ALK: variants seen among roughly 807,000 people sequenced by gnomAD.
ALK encodes ALK tyrosine kinase receptor.
Under a neutral mutation model 163.1 loss-of-function variants are expected in ALK, and 74 were observed. The ratio of observed to expected loss-of-function variants is 0.45; its 90% CI spans 0.38 to 0.55. The LOEUF (loss-of-function observed/expected upper bound fraction) is 0.55. ALK is among the 20% of genes least tolerant of loss of function. The pLI, the probability that ALK is intolerant of heterozygous loss-of-function variation, is 0.00. For synonymous variants in ALK, 960 were observed against 843.2 expected (o/e 1.14, Z -2.40); for missense variants, 2,063 against 2,105.3 (o/e 0.98, Z 0.39).
intron 3 of ALK, among the ~76,000 whole-genome samples, chr2:29,572,921 G>A (rs1232277281): frequency 1.3e-5 from 2 of 152,276 alleles, no homozygotes; most frequent in Admixed American, 6.5e-5. Flanking sequence ...TCTGTGGCAA[G>A]CATTCTGTGG....
intron 4 of ALK, among the ~76,000 whole-genome samples, chr2:29,410,489 G>A (rs1669700516): frequency 1.3e-5 from 2 of 152,140 alleles, no homozygotes; most frequent in African/African-American, 4.8e-5. Context: ...TGACCACCTT[G>A]GGCATATGTC....
intron 3 of ALK, among the ~76,000 whole-genome samples, chr2:29,657,372 G>A (rs576864084): frequency 1.3e-5 from 2 of 152,166 alleles, no homozygotes; most frequent in South Asian, 2.1e-4. Flanking sequence ...GAACCTCCAC[G>A]AGCTCATCTG....
In ALK at chr2:29,694,977, C is replaced by A. The variant is rs924625340; in HGVS notation, c.825G>T (p.Glu275Asp). 6.2e-7 allele frequency: 1 copy of A among 1,614,096 alleles called. No individual in the cohort carries two copies. Among genetic ancestry groups the A allele is most frequent in the Non-Finnish European group, 8.5e-7 (1 of 1,179,978 alleles). Residue 275 changes from glutamate (E) to aspartate (D), a missense_variant, in exon 3 of 29, where the codon GAG (glutamate) becomes GAT (aspartate). This residue lies in a region of ALK where 987 missense variants were observed against 939.5 expected (regional missense o/e 1.05). Transcript: ENST00000389048. ...TGAGGTCATGCAGTGGAGGGGAATACTCCAGCTCACAGGGGAAGTCAAAGC... is the reference window on the plus strand; with the variant it reads ...TGAGGTCATGCAGTGGAGGGGAATAATCCAGCTCACAGGGGAAGTCAAAGC... Reference protein sequence around the residue: ...ECSFDFPCELEYSPPLHDLRN... With the variant: ...ECSFDFPCELDYSPPLHDLRN...
At chr2:29,354,893 A>G (rs1668209153) in intron 5 of ALK, among the ~76,000 whole-genome samples, 1 of 151,654 alleles carries the variant, frequency 6.6e-6, no homozygotes, top group Admixed American at 6.6e-5. Flanking sequence ...CAGCCTCCCA[A>G]GTAGCTAGGA....
At chr2:29,230,773 C>T (rs2148182057) in intron 15 of ALK, among the ~76,000 whole-genome samples, 1 of 152,208 alleles carries the variant, frequency 6.6e-6, no homozygotes, top group South Asian at 2.1e-4. Flanking sequence ...AGGGTGTGGG[C>T]CTGTCAAGGC....
At chr2:29,288,313 G>A (rs901980278) in intron 9 of ALK, among the ~76,000 whole-genome samples, 1 of 152,162 alleles carries the variant, frequency 6.6e-6, no homozygotes, top group Admixed American at 6.5e-5. Context: ...TGGAGGCCTG[G>A]GGCCTCGTCT....
intron 8 of ALK, among the ~76,000 whole-genome samples, chr2:29,304,797 AC>A: frequency 6.6e-6 from 1 of 152,310 alleles, no homozygotes; most frequent in East Asian, 1.9e-4. Context: ...TGTGATAATA[AC>A]CACCACCCCT....
intron 3 of ALK, among the ~76,000 whole-genome samples, chr2:29,546,846 T>A (rs1286358600): frequency 6.6e-6 from 1 of 152,210 alleles, no homozygotes; most frequent in Non-Finnish European, 1.5e-5. Context: ...AATCTCAACC[T>A]TATTATAACA....
intron 8 of ALK, among the ~76,000 whole-genome samples, chr2:29,304,644 T>C (rs1408375125): frequency 6.6e-6 from 1 of 152,232 alleles, no homozygotes; most frequent in African/African-American, 2.4e-5. Context: ...CATTCTTCAG[T>C]GGCTTGTCAA....
intron 4 of ALK, among the ~76,000 whole-genome samples, chr2:29,443,253 G>T (rs1046700022): frequency 2.0e-5 from 3 of 152,220 alleles, no homozygotes; most frequent in African/African-American, 7.2e-5. Context: ...GCCTGCCAGG[G>T]AGCAGGTGTC....
chr2:29,303,189 TA>T lies in ALK; in HGVS notation c.1648-6133del, dbSNP rs1194284512. Reference sequence around the variant, plus strand: ...TCAAGAAAAAACCAAATAACTTCATTAAAAATAACACCTTTGCCCTTTGTCT... The same window carrying T: ...TCAAGAAAAAACCAAATAACTTCATTAAAATAACACCTTTGCCCTTTGTCT... On this transcript the variant is annotated intron_variant, in intron 8 of 28. Transcript: ENST00000389048. Among the ~76,000 whole-genome samples, 10 of 152,096 alleles carry T rather than the reference TA, an allele frequency of 6.6e-5. 1 individual carries two copies. In the South Asian group the frequency reaches 1.7e-3, roughly 25 times the overall value.
intron 18 of ALK, 49 bp from the exon 19 acceptor site, chr2:29,225,614 T>G (rs1481093818): frequency 6.6e-7 from 1 of 1,508,730 alleles, no homozygotes; most frequent in Non-Finnish European, 9.1e-7. Flanking sequence ...CAGGTCTCCT[T>G]TGAGTTGGTC....
rs116488451 is a variant in ALK, at chr2:29,572,872, C to T, written c.953-40756G>A. ...CCACTATGTCCAGTGCATTCCTTCA[C>T]GCAGCCCTGGACAGCGGGATTGTGG... On this transcript the variant is annotated intron_variant, in intron 3 of 28. Transcript: ENST00000389048. 3.2e-3 allele frequency among the ~76,000 whole-genome samples: 490 copies of T among 152,284 alleles called. 4 individuals are homozygous for T. Among genetic ancestry groups the T allele is most frequent in the African/African-American group, 0.011 (467 of 41,552 alleles).
intron 1 of ALK, among the ~76,000 whole-genome samples, chr2:29,797,172 A>C (rs1045273894): frequency 6.6e-6 from 1 of 152,150 alleles, no homozygotes; most frequent in Non-Finnish European, 1.5e-5. Context: ...AAAATTAAAA[A>C]CAAATGAAGT....
intron 1 of ALK, among the ~76,000 whole-genome samples, chr2:29,909,014 A>G (rs1667626716): frequency 6.6e-6 from 1 of 152,232 alleles, no homozygotes. Context: ...ATAGATCTCC[A>G]TTAAAAGGAT....
chr2:29,482,666 T>C (rs866833473), intron 4 of ALK, among the ~76,000 whole-genome samples: 13 of 152,062 alleles, frequency 8.5e-5, no homozygotes, highest in Non-Finnish European at 1.5e-4. Context: ...GTTGGTACAA[T>C]GGAATGAACT....
At chr2:29,423,590 C>T (rs758927564) in intron 4 of ALK, among the ~76,000 whole-genome samples, 33 of 152,308 alleles carry the variant, frequency 2.2e-4, no homozygotes, top group African/African-American at 7.0e-4. Context: ...GGCAAATAAT[C>T]GGAGCAATAA....
intron 13 of ALK, among the ~76,000 whole-genome samples, chr2:29,234,219 A>G (rs1318425368): frequency 6.6e-6 from 1 of 152,110 alleles, no homozygotes; most frequent in Non-Finnish European, 1.5e-5. Context: ...GAAAGGTCCT[A>G]TGTGGTGAGA....
At chr2:29,245,744 C>G (rs1301712327) in intron 12 of ALK, among the ~76,000 whole-genome samples, 3 of 132,302 alleles carry the variant, frequency 2.3e-5, no homozygotes, top group African/African-American at 8.7e-5. Flanking sequence ...GCCCTGCACA[C>G]TAAGGGCTTT....
Sources: gnomAD v4.1 joint callset for allele counts (sites outside exome capture counted in the v4.1 genomes callset) on GRCh38, gnomAD v4.1.1 for gene constraint, gnomAD v4.1.1 regional missense constraint, MANE v1.5 for transcripts, NCBI Gene and HGNC (gene_info 2026-07-23, HGNC 2026-07-21) for gene names.